CD1B: variants seen among roughly 807,000 people sequenced by gnomAD.
CD1B encodes the protein T-cell surface glycoprotein CD1b.
A neutral mutation model predicts 39.8 loss-of-function variants in CD1B; 43 were observed. The ratio of observed to expected loss-of-function variants is 1.08; its 90% CI spans 0.85 to 1.39. CD1B has a LOEUF of 1.39. CD1B is among the 40% of genes most tolerant of loss of function. The pLI is 0.00. For missense variants in CD1B, 495 were observed against 403.8 expected (o/e 1.23, Z -1.94); for synonymous variants, 192 against 152.5 (o/e 1.26, Z -1.91).
chr1:158,322,124 T>C, the CD1B span, among the ~76,000 whole-genome samples: 3 of 152,242 alleles, frequency 2.0e-5, no homozygotes, highest in Non-Finnish European at 4.4e-5. Context: ...TTTAATAAAG[T>C]ATTTTAGTTA....
At chr1:158,322,681 A>T in the CD1B span, among the ~76,000 whole-genome samples, 1 of 152,086 alleles carries the variant, frequency 6.6e-6, no homozygotes. Flanking sequence ...CTTGTAAGAC[A>T]GATCTGGTGG....
At chr1:158,317,610 A>G in the CD1B span, among the ~76,000 whole-genome samples, 1 of 152,032 alleles carries the variant, frequency 6.6e-6, no homozygotes, top group African/African-American at 2.4e-5. Context: ...CTTTCAAAAA[A>G]CCAGCTCCTG....
the CD1B span, among the ~76,000 whole-genome samples, chr1:158,302,585 C>T: frequency 2.0e-5 from 3 of 152,030 alleles, no homozygotes; most frequent in Non-Finnish European, 4.4e-5. Context: ...TAAACCCAAT[C>T]AGAAATGACA....
Position 158,330,975 on chromosome 1 carries a change from A to T in CD1B, c.149T>A (p.Leu50Ter), listed in dbSNP as rs748223733. The change falls in exon 2 of 6, where the codon TTG becomes TAG. Residue 50 changes from leucine to a stop codon, truncating the protein, a stop_gained. Transcript: ENST00000368168. LOFTEE classifies it high-confidence loss of function. The stretch of plus-strand genomic sequence containing the variant: ...CCAGCCATGAATCTGCAAATCATCC[A>T]ACCAGCCTGAGCCTTGAGTTTGTGC... ...TWAQTQGSGWLDDLQIHGWDS... is the reference protein window; with the variant it reads ...TWAQTQGSGW The T allele has an allele frequency of 3.1e-6, 5 of 1,614,142 alleles. No homozygotes were observed. Among genetic ancestry groups the T allele is most frequent in the Non-Finnish European group, 4.2e-6 (5 of 1,180,020 alleles).
At chr1:158,300,276 T>A in the CD1B span, among the ~76,000 whole-genome samples, 5,461 of 152,246 alleles carry the variant, frequency 0.036, 318 homozygotes, top group African/African-American at 0.12. Context: ...AGTTTCCATG[T>A]AGTTGTGTGG....
the CD1B span, chr1:158,292,805 G>A: frequency 5.0e-6 from 8 of 1,614,086 alleles, no homozygotes; most frequent in African/African-American, 9.3e-5. Flanking sequence ...GGCATCTGAG[G>A]AGCCTGCTGG....
chr1:158,300,197 A>T, the CD1B span, among the ~76,000 whole-genome samples: 1 of 152,020 alleles, frequency 6.6e-6, no homozygotes, highest in African/African-American at 2.4e-5. Flanking sequence ...CTTTGTTCTC[A>T]TTGGTTTCCT....
At chr1:158,320,186 C>A in the CD1B span, among the ~76,000 whole-genome samples, 1 of 152,204 alleles carries the variant, frequency 6.6e-6, no homozygotes, top group East Asian at 1.9e-4. Flanking sequence ...TGGGCTCCAC[C>A]CAGTTCGAGC....
At chr1:158,306,604 CA>C in the CD1B span, among the ~76,000 whole-genome samples, 1 of 152,184 alleles carries the variant, frequency 6.6e-6, no homozygotes, top group Non-Finnish European at 1.5e-5. Context: ...CAGAACTCTC[CA>C]CCCCAAATCA....
chr1:158,325,383 A>G (rs1003908271), downstream of CD1B, among the ~76,000 whole-genome samples: 3 of 152,238 alleles, frequency 2.0e-5, no homozygotes, highest in African/African-American at 7.2e-5. Flanking sequence ...CAAAGCAGAT[A>G]TGAAAATGTA....
chr1:158,292,416 C>T, the CD1B span: 1 of 1,558,286 alleles, frequency 6.4e-7, no homozygotes, highest in Non-Finnish European at 8.7e-7. Flanking sequence ...AAGTACTGCC[C>T]CTTCTGTTCC....
rs763377693 is a variant in CD1B at position 158,330,806 on chromosome 1, G to A, written c.318C>T (p.Phe106=). The A allele has an allele frequency of 4.3e-6, 7 of 1,614,092 alleles. No individual in the cohort carries two copies. In the Admixed American group the frequency reaches 1.2e-4, roughly 27 times the overall value. The change falls in exon 2 of 6, where the codon TTC becomes TTT. Residue 106 remains phenylalanine, a synonymous_variant. Transcript: ENST00000368168. Reference sequence around the variant, plus strand: ...GTGGACTAGACTCACATTTCATCTGGAAATCACCGGCAAAGTCTTGTACTT... The same window carrying A: ...GTGGACTAGACTCACATTTCATCTGAAAATCACCGGCAAAGTCTTGTACTT... ...AREVQDFAGD[F]QMKYPFEIQG...
At chr1:158,302,444 T>G in the CD1B span, among the ~76,000 whole-genome samples, 1 of 151,032 alleles carries the variant, frequency 6.6e-6, no homozygotes, top group East Asian at 1.9e-4. Flanking sequence ...AAATCAGAGC[T>G]GAACTAAATA....
Position 158,328,157 on chromosome 1 carries a change from A to G in CD1B, c.*79T>C. ...ATCAAATTTGAAAATCATTTGAAATATGATAAGATTGACTTTTGGGCTGAT... is the reference window on the plus strand; with the variant it reads ...ATCAAATTTGAAAATCATTTGAAATGTGATAAGATTGACTTTTGGGCTGAT... On this transcript the variant is annotated 3_prime_UTR_variant, in exon 6 of 6. Coordinates refer to ENST00000368168, the MANE Select transcript of CD1B (RefSeq NM_001764.3). The G allele has an allele frequency of 9.9e-7, 1 of 1,012,366 alleles. No individual in the cohort carries two copies. Among genetic ancestry groups the G allele is most frequent in the East Asian group, 2.4e-5 (1 of 41,638 alleles). The allele number at this position is 1,012,366 out of a possible 1,614,324, so 62.7% of individuals were successfully genotyped here. A position where few individuals can be genotyped will look rare whatever the true frequency, so the allele number is the denominator to read the frequency against.
chr1:158,330,958 G>A lies in CD1B; in HGVS notation c.166C>T (p.His56Tyr), dbSNP rs1557823039. 7.4e-6 allele frequency: 12 copies of A among 1,614,018 alleles called. No homozygotes were observed. The highest frequency in any genetic ancestry group is 9.3e-6 in the Non-Finnish European group (11 of 1,180,028). The change falls in exon 2 of 6, where the codon CAT (histidine) becomes TAT (tyrosine). Residue 56 changes from histidine (H) to tyrosine (Y), a missense_variant. Transcript: ENST00000368168. ...GSGWLDDLQI[H>Y]GWDSDSGTAI... is the part of the protein sequence containing the mutation. ...GTGCCTGAGTCGCTATCCCAGCCAT[G>A]AATCTGCAAATCATCCAACCAGCCT...
Position 158,330,871 on chromosome 1 carries a change from C to G in CD1B, c.253G>C (p.Glu85Gln), listed in dbSNP as rs149817745. 5.6e-5 allele frequency: 91 copies of G among 1,614,110 alleles called. No individual in the cohort carries two copies. The African/African-American group carries it at 1.1e-3, about 20-fold the overall frequency. ...NFSDKEVAEL[E>Q]EIFRVYIFGF... ...AAGATGTAGACTCGGAATATCTCCT[C>G]TAACTCAGCAACCTCCTTATCACTA... Residue 85 changes from glutamate to glutamine, a missense_variant, in exon 2 of 6, where the codon GAG becomes CAG. Transcript: ENST00000368168.
chr1:158,312,852 C>T, the CD1B span, among the ~76,000 whole-genome samples: 1 of 152,082 alleles, frequency 6.6e-6, no homozygotes, highest in African/African-American at 2.4e-5. Flanking sequence ...TTTCTCTTGC[C>T]TAATTACCCT....
At chr1:158,285,461 G>A in the CD1B span, among the ~76,000 whole-genome samples, 1 of 152,154 alleles carries the variant, frequency 6.6e-6, no homozygotes, top group Non-Finnish European at 1.5e-5. Context: ...TGAATGGGTA[G>A]GGAGTTTAGG....
At chr1:158,320,816 T>C in the CD1B span, among the ~76,000 whole-genome samples, 4 of 152,222 alleles carry the variant, frequency 2.6e-5, no homozygotes, top group Admixed American at 2.6e-4. Context: ...TATTTGTAGT[T>C]TCCAAAGTTC....
Sources: gnomAD v4.1 joint callset for allele counts (sites outside exome capture counted in the v4.1 genomes callset) on GRCh38, gnomAD v4.1.1 for gene constraint, MANE v1.5 for transcripts, NCBI Gene and HGNC (gene_info 2026-07-23, HGNC 2026-07-21) for gene names.